KL: variants seen among roughly 807,000 people sequenced by gnomAD.
KL encodes klotho, also known as alpha-klotho.
Under a neutral mutation model 84.2 loss-of-function variants are expected in KL, and 62 were observed. The ratio of observed to expected loss-of-function variants is 0.74; its 90% CI spans 0.60 to 0.91. The LOEUF is 0.91. Ranked by LOEUF, KL falls within the 40% of genes least tolerant of loss-of-function variation. KL has a pLI of 0.00. For missense variants in KL, 1,261 were observed against 1,305.7 expected, an observed-to-expected ratio of 0.97 and a Z score of 0.53; for synonymous variants, 528 against 528.0, an observed-to-expected ratio of 1.00 and a Z score of 0.00.
intron 1 of KL, among the ~76,000 whole-genome samples, chr13:33,022,388 T>C (rs994035678): frequency 1.3e-5 from 2 of 152,194 alleles, no homozygotes; most frequent in African/African-American, 4.8e-5. Context: ...TTTTGAGGCA[T>C]AAAGGAAATT....
intron 1 of KL, among the ~76,000 whole-genome samples, chr13:33,026,950 T>C (rs1333867924): frequency 6.6e-6 from 1 of 152,182 alleles, no homozygotes; most frequent in Non-Finnish European, 1.5e-5. Context: ...ATGTCAGGCA[T>C]TTCCGCCTGC....
chr13:33,037,051 A>C (rs186993478), intron 1 of KL, among the ~76,000 whole-genome samples: 3 of 152,202 alleles, frequency 2.0e-5, no homozygotes, highest in Non-Finnish European at 4.4e-5. Context: ...ATGATACTGA[A>C]TATACTAATG....
chr13:33,039,782 C>T (rs903868116), intron 1 of KL, among the ~76,000 whole-genome samples: 2 of 152,102 alleles, frequency 1.3e-5, no homozygotes, highest in East Asian at 3.8e-4. Context: ...TGGCATCCAA[C>T]GTAGGTACAG....
intron 2 of KL, 55 bp downstream of exon 2, chr13:33,054,332 T>A (rs1440144784): frequency 2.0e-6 from 3 of 1,477,740 alleles, no homozygotes; most frequent in Non-Finnish European, 2.8e-6. Flanking sequence ...GAAAAAAATC[T>A]CTAAGATTAT....
At chr13:33,047,240 C>G (rs541003408) in intron 1 of KL, among the ~76,000 whole-genome samples, 1 of 152,100 alleles carries the variant, frequency 6.6e-6, no homozygotes, top group African/African-American at 2.4e-5. Context: ...TTAATGCTGT[C>G]CATTTGCATA....
At chr13:33,016,313 G>A (rs971285733), upstream of KL, 4 of 151,712 alleles carry the variant, frequency 2.6e-5, no homozygotes, top group African/African-American at 9.7e-5. Flanking sequence ...CCGGCTCGCA[G>A]GTAATTATTG....
Position 33,061,072 on chromosome 13 carries a change from G to A in KL, c.1993G>A (p.Ala665Thr). Residue 665 changes from alanine to threonine, a missense_variant, in exon 4 of 5, where the codon GCC becomes ACC. Transcript: ENST00000380099. ...GAWENPYTAL[A>T]FAEYARLCFQ... ...CTGGGAGAACCCCTACACTGCCCTG[G>A]CCTTTGCAGAGTATGCCCGACTGTG... 2 of 1,613,142 alleles carry A rather than the reference G, an allele frequency of 1.2e-6. No individual in the cohort carries two copies. The highest frequency in any genetic ancestry group is 1.3e-5 in the African/African-American group (1 of 75,028).
chr13:33,020,487 C>G (rs917628894), intron 1 of KL, among the ~76,000 whole-genome samples: 2 of 152,144 alleles, frequency 1.3e-5, no homozygotes, highest in Non-Finnish European at 1.5e-5. Flanking sequence ...CCCCGAGCAT[C>G]AGACTGGCAT....
chr13:33,050,597 T>C (rs530261103), intron 1 of KL, among the ~76,000 whole-genome samples: 166 of 152,240 alleles, frequency 1.1e-3, no homozygotes, highest in African/African-American at 3.8e-3. Context: ...TGTGAGACTC[T>C]TGGTGTCCAG....
chr13:33,050,103 A>G (rs956005607), intron 1 of KL, among the ~76,000 whole-genome samples: 8 of 152,250 alleles, frequency 5.3e-5, no homozygotes, highest in Non-Finnish European at 1.2e-4. Context: ...GTATTAAAAC[A>G]TTCATACATG....
At chr13:33,030,987 G>A (rs1193333203) in intron 1 of KL, among the ~76,000 whole-genome samples, 1 of 152,164 alleles carries the variant, frequency 6.6e-6, no homozygotes, top group Non-Finnish European at 1.5e-5. Flanking sequence ...TCCAACATCA[G>A]ACTAATAGAA....
intron 1 of KL, among the ~76,000 whole-genome samples, chr13:33,050,373 C>G (rs1385327143): frequency 6.6e-6 from 1 of 152,150 alleles, no homozygotes; most frequent in Admixed American, 6.5e-5. Context: ...AGCGACCTTC[C>G]CACACTCTGC....
At chr13:33,026,129 G>T (rs1870767909) in intron 1 of KL, among the ~76,000 whole-genome samples, 1 of 152,106 alleles carries the variant, frequency 6.6e-6, no homozygotes, top group African/African-American at 2.4e-5. Flanking sequence ...AGTATGTAAA[G>T]ATTACTGTAT....
intron 1 of KL, among the ~76,000 whole-genome samples, chr13:33,046,155 C>T (rs1468571548): frequency 6.6e-6 from 1 of 152,120 alleles, no homozygotes; most frequent in Non-Finnish European, 1.5e-5. Flanking sequence ...TAATGCTGGC[C>T]ACATTGGCTA....
chr13:33,062,222 T>C (rs543180755), intron 4 of KL, among the ~76,000 whole-genome samples: 1 of 151,762 alleles, frequency 6.6e-6, no homozygotes, highest in African/African-American at 2.4e-5. Context: ...CTACTAAAAA[T>C]CACAAAAATT....
chr13:33,041,287 C>G (rs1871330997), intron 1 of KL, among the ~76,000 whole-genome samples: 1 of 152,020 alleles, frequency 6.6e-6, no homozygotes, highest in South Asian at 2.1e-4. Flanking sequence ...ACAGACCACA[C>G]TGTTCATACA....
chr13:33,036,532 C>G (rs1226853277), intron 1 of KL, among the ~76,000 whole-genome samples: 4 of 152,122 alleles, frequency 2.6e-5, no homozygotes, highest in Admixed American at 2.0e-4. Context: ...CACTTCCTCT[C>G]CTAATATAGG....
At position 33,041,790 on chromosome 13, in the gene KL, C is replaced by T. The variant is rs553436147; in HGVS notation, c.820-11977C>T. On this transcript the variant is annotated intron_variant, in intron 1 of 4. Transcript: ENST00000380099. ...GTTCTCTGCTCCTTCCACACACCCC[C>T]ATCTCAGGTCCCAGTCTTTTTTAGC... 3.5e-4 allele frequency among the ~76,000 whole-genome samples: 53 copies of T among 152,264 alleles called. 1 individual carries two copies. Among genetic ancestry groups the T allele is most frequent in the African/African-American group, 1.2e-3 (48 of 41,552 alleles).
chr13:33,029,343 T>C (rs1566499962), intron 1 of KL, among the ~76,000 whole-genome samples: 1 of 152,234 alleles, frequency 6.6e-6, no homozygotes, highest in Non-Finnish European at 1.5e-5. Context: ...CTCAAGTCGA[T>C]CTGTCCCATG....
Sources: allele counts gnomAD v4.1 joint callset (sites outside exome capture counted in the v4.1 genomes callset), GRCh38; gene constraint gnomAD v4.1.1; transcripts MANE v1.5; gene names NCBI Gene and HGNC (gene_info 2026-07-23, HGNC 2026-07-21).